Variants in PSMD5 observed in about 807,000 individuals in gnomAD.
PSMD5 encodes 26S proteasome non-ATPase regulatory subunit 5.
A neutral mutation model predicts 52.1 loss-of-function variants in PSMD5; 40 were observed. The observed-to-expected ratio is 0.77, with a 90% CI of 0.60 to 1.00. The LOEUF is 1.00. Ranked by LOEUF, PSMD5 falls within the 50% of genes least tolerant of loss-of-function variation. The pLI, the probability that PSMD5 is intolerant of heterozygous loss-of-function variation, is 0.00. For synonymous variants in PSMD5, 211 were observed against 226.6 expected (o/e 0.93, Z 0.62); for missense variants, 575 against 605.2 (o/e 0.95, Z 0.52).
chr9:120,829,341 C>T, intron 4 of PSMD5, 133 bp from the exon 5 acceptor site: 1 of 1,135,892 alleles, frequency 8.8e-7, no homozygotes, highest in Non-Finnish European at 1.1e-6. Context: ...TTATTTGTCT[C>T]TTTAAGTAGA....
At chr9:120,820,769 G>T in intron 9 of PSMD5, 70 bp downstream of exon 9, 1 of 1,431,372 alleles carries the variant, frequency 7.0e-7, no homozygotes, top group Non-Finnish European at 9.3e-7. Context: ...CACAGGCTCT[G>T]GCTCACTGTT....
intron 5 of PSMD5, among the ~76,000 whole-genome samples, chr9:120,827,157 C>G (rs537132634): frequency 6.8e-4 from 103 of 152,294 alleles, no homozygotes; most frequent in African/African-American, 2.4e-3. Flanking sequence ...ACTATTGTTT[C>G]CACTATAACC....
intron 7 of PSMD5, among the ~76,000 whole-genome samples, chr9:120,822,455 T>C (rs934263477): frequency 2.0e-5 from 3 of 152,236 alleles, no homozygotes; most frequent in African/African-American, 7.2e-5. Flanking sequence ...AAAACGATTG[T>C]CATAGGTAAA....
At chr9:120,824,853 C>T (rs1564474943) in intron 6 of PSMD5, 168 bp from the exon 7 acceptor site, 1 of 562,850 alleles carries the variant, frequency 1.8e-6, no homozygotes, top group South Asian at 2.9e-5. Flanking sequence ...TTCTGAAGGA[C>T]CTGTGATGTG....
At chr9:120,836,397 CTTTT>C (rs34125901) in intron 1 of PSMD5, among the ~76,000 whole-genome samples, 1 of 135,914 alleles carries the variant, frequency 7.4e-6, no homozygotes, top group Non-Finnish European at 1.6e-5. Flanking sequence ...ATCATCTGTA[CTTTT>C]TTTTTTTTTT....
intron 4 of PSMD5, among the ~76,000 whole-genome samples, chr9:120,830,865 T>C (rs1222380353): frequency 1.4e-5 from 2 of 148,068 alleles, no homozygotes; most frequent in African/African-American, 5.0e-5. Context: ...TTCTCTATCA[T>C]AGTAATTATA....
At chr9:120,840,126 CAAAAAAAAAAAA>C (rs748840129) in intron 1 of PSMD5, among the ~76,000 whole-genome samples, 1 of 39,138 alleles carries the variant, frequency 2.6e-5, no homozygotes, top group Non-Finnish European at 5.1e-5. Context: ...GAACCCGTCT[CAAAAAAAAAAAA>C]AAAAAAAAAA....
At chr9:120,842,222 C>A in intron 1 of PSMD5, 1 of 157,666 alleles carries the variant, frequency 6.3e-6, no homozygotes, top group South Asian at 1.7e-4. Context: ...ACTCTCTTGC[C>A]GCTGCTTTTG....
At position 120,841,530 on chromosome 9, in the gene PSMD5, G is replaced by A. The variant is rs189612851; in HGVS notation, c.173+1207C>T. The stretch of plus-strand genomic sequence containing the variant: ...GGAGGCGGAGGTTGCAGTGAGCCGA[G>A]ATCGCGCCACTGCACTCCAACCTGG... On this transcript the variant is annotated intron_variant, in intron 1 of 9. Coordinates refer to ENST00000210313, the MANE Select transcript of PSMD5 (RefSeq NM_005047.4). Among the ~76,000 whole-genome samples, 538 of 152,280 alleles carry A rather than the reference G, an allele frequency of 3.5e-3. 3 individuals are homozygous for A. Among genetic ancestry groups the A allele is most frequent in the Admixed American group, 7.3e-3 (111 of 15,306 alleles).
intron 9 of PSMD5, among the ~76,000 whole-genome samples, chr9:120,818,833 A>G (rs2045063787): frequency 6.6e-6 from 1 of 151,994 alleles, no homozygotes; most frequent in South Asian, 2.1e-4. Context: ...GATACCACTT[A>G]CAAAGTTTAT....
At chr9:120,820,527 T>A (rs548443083) in intron 9 of PSMD5, among the ~76,000 whole-genome samples, 1 of 152,290 alleles carries the variant, frequency 6.6e-6, no homozygotes, top group East Asian at 1.9e-4. Context: ...GCCAGAAGCC[T>A]TATTTTCTGC....
intron 1 of PSMD5, among the ~76,000 whole-genome samples, chr9:120,840,839 C>G (rs1258277381): frequency 2.0e-5 from 3 of 151,852 alleles, no homozygotes; most frequent in Non-Finnish European, 2.9e-5. Context: ...GGGTTGGTCT[C>G]GAACTCTTGA....
chr9:120,825,264 G>A (rs2045114568), intron 6 of PSMD5, among the ~76,000 whole-genome samples: 2 of 152,232 alleles, frequency 1.3e-5, no homozygotes, highest in East Asian at 1.9e-4. Context: ...AAATAGCACT[G>A]ATGTTTCCAG....
intron 4 of PSMD5, among the ~76,000 whole-genome samples, chr9:120,830,611 AGT>A (rs1398716438): frequency 6.6e-6 from 1 of 152,164 alleles, no homozygotes; most frequent in Non-Finnish European, 1.5e-5. Context: ...AAAGTAAGAA[AGT>A]GTTCTGAAGA....
chr9:120,824,405 A>G, intron 7 of PSMD5, 89 bp downstream of exon 7: 5 of 1,286,438 alleles, frequency 3.9e-6, no homozygotes, highest in Non-Finnish European at 5.7e-6. Context: ...TAGTTTCTAC[A>G]ATGTAGTTAA....
At chr9:120,825,446 G>A (rs1194685027) in intron 6 of PSMD5, among the ~76,000 whole-genome samples, 6 of 151,948 alleles carry the variant, frequency 3.9e-5, no homozygotes, top group African/African-American at 1.4e-4. Context: ...TTCTGCTTTC[G>A]TGAAAAATGT....
At chr9:120,830,854 C>T (rs2045154588) in intron 4 of PSMD5, among the ~76,000 whole-genome samples, 1 of 150,932 alleles carries the variant, frequency 6.6e-6, no homozygotes, top group South Asian at 2.1e-4. Flanking sequence ...GTTTCAATAT[C>T]TTCTCTATCA....
In PSMD5 at chr9:120,821,357, G is replaced by A. The variant is rs1267047115; in HGVS notation, c.1114C>T (p.Pro372Ser). 9 of 1,547,120 alleles carry A rather than the reference G, an allele frequency of 5.8e-6. No homozygotes were observed. The highest frequency in any genetic ancestry group is 7.9e-6 in the Non-Finnish European group (9 of 1,136,992). Residue 372 changes from proline (P) to serine (S), a missense_variant and splice_region_variant, in exon 8 of 10, where the codon CCA becomes TCA. Physicochemically the swap from Pro to Ser is moderately conservative, Grantham distance 74. Coordinates refer to ENST00000210313, the MANE Select transcript of PSMD5 (RefSeq NM_005047.4). ...TCATTATTTCCCTACCTACTTACTGGTAAGTACAGAAGAGATGAAATTGCA... is the reference window on the plus strand; with the variant it reads ...TCATTATTTCCCTACCTACTTACTGATAAGTACAGAAGAGATGAAATTGCA... ...LDAISSLLYL[P>S]PEQQTDDLLR...
At chr9:120,834,164 A>G (rs1251163216) in intron 1 of PSMD5, among the ~76,000 whole-genome samples, 1 of 151,866 alleles carries the variant, frequency 6.6e-6, no homozygotes, top group Non-Finnish European at 1.5e-5. Context: ...TATTTTTAGC[A>G]GAGACGGGGG....
Sources: gnomAD v4.1 joint callset for allele counts (sites outside exome capture counted in the v4.1 genomes callset) on GRCh38, gnomAD v4.1.1 for gene constraint, MANE v1.5 for transcripts, NCBI Gene and HGNC (gene_info 2026-07-23, HGNC 2026-07-21) for gene names.